DPP6: variants seen among roughly 807,000 people sequenced by gnomAD.
DPP6 encodes dipeptidyl peptidase like 6.
DPP6 carries 69 observed loss-of-function variants against 122.6 expected under a neutral mutation model. The ratio of observed to expected loss-of-function variants is 0.56; its 90% CI spans 0.46 to 0.69. DPP6 has a LOEUF of 0.69. Ranked by LOEUF, DPP6 falls within the 30% of genes least tolerant of loss-of-function variation. The probability of loss-of-function intolerance (pLI) is 0.00; values close to 1 mark genes in which losing one functional copy is unlikely to be tolerated. For missense variants in DPP6, 928 were observed against 1,116.9 expected, an observed-to-expected ratio of 0.83 and a Z score of 2.41; for synonymous variants, 418 against 433.1, an observed-to-expected ratio of 0.97 and a Z score of 0.43.
intron 1 of DPP6, among the ~76,000 whole-genome samples, chr7:153,952,097 A>C (rs1802245750): frequency 6.6e-6 from 1 of 152,186 alleles, no homozygotes; most frequent in African/African-American, 2.4e-5. Context: ...AACCTTTTGA[A>C]CAATCCTGTC....
chr7:153,888,783 A>G (rs1799062294), intron 1 of DPP6, among the ~76,000 whole-genome samples: 1 of 130,456 alleles, frequency 7.7e-6, no homozygotes, highest in African/African-American at 3.0e-5. Context: ...GGTTCTGCAG[A>G]TTTGCAGATG....
At chr7:154,689,620 T>G (rs549326800) in intron 7 of DPP6, among the ~76,000 whole-genome samples, 12 of 152,352 alleles carry the variant, frequency 7.9e-5, no homozygotes, top group Non-Finnish European at 1.3e-4. Context: ...TCGTCTACAC[T>G]GTGGGACATT....
intron 1 of DPP6, among the ~76,000 whole-genome samples, chr7:153,984,803 C>T (rs1365309184): frequency 2.0e-5 from 3 of 152,174 alleles, no homozygotes; most frequent in African/African-American, 7.2e-5. Flanking sequence ...TCATTTTTGG[C>T]TTCTATGACA....
chr7:154,654,332 A>G (rs1302574864), intron 6 of DPP6, among the ~76,000 whole-genome samples: 1 of 151,846 alleles, frequency 6.6e-6, no homozygotes, highest in Non-Finnish European at 1.5e-5. Context: ...TGTCACTAAT[A>G]TTTTAGAACA....
At chr7:154,511,876 A>G (rs1258643546) in intron 3 of DPP6, among the ~76,000 whole-genome samples, 1 of 152,232 alleles carries the variant, frequency 6.6e-6, no homozygotes, top group Non-Finnish European at 1.5e-5. Flanking sequence ...ATCATGCTGT[A>G]AATGATCCTA....
intron 7 of DPP6, among the ~76,000 whole-genome samples, chr7:154,711,802 C>G (rs933179459): frequency 6.6e-6 from 1 of 152,150 alleles, no homozygotes; most frequent in African/African-American, 2.4e-5. Context: ...ATCCCTAGTT[C>G]CTGATGTAAT....
intron 5 of DPP6, among the ~76,000 whole-genome samples, chr7:154,627,909 T>A (rs1835185902): frequency 6.6e-6 from 1 of 152,186 alleles, no homozygotes; most frequent in Admixed American, 6.5e-5. Context: ...GGGAGGGACT[T>A]AAATAACTTT....
At chr7:154,193,489 A>G (rs1258725493) in intron 1 of DPP6, among the ~76,000 whole-genome samples, 1 of 152,110 alleles carries the variant, frequency 6.6e-6, no homozygotes, top group Non-Finnish European at 1.5e-5. Context: ...ATAAGGAGAG[A>G]AATTTGGTTG....
At chr7:154,138,757 A>G (rs1045045092) in intron 1 of DPP6, among the ~76,000 whole-genome samples, 8 of 149,142 alleles carry the variant, frequency 5.4e-5, no homozygotes, top group Non-Finnish European at 1.2e-4. Flanking sequence ...TACTTTTCTA[A>G]ATTGATTGGT....
the DPP6 span, among the ~76,000 whole-genome samples, chr7:153,804,183 G>A: frequency 5.3e-5 from 8 of 151,828 alleles, no homozygotes; most frequent in Non-Finnish European, 7.4e-5. Flanking sequence ...GTGAGTAGCT[G>A]GAATTACAGG....
rs557381665 is a variant in DPP6, at chr7:154,106,120, C to G, written c.243+53057C>G. On this transcript the variant is annotated intron_variant, in intron 1 of 25. Transcript: ENST00000377770. ...AAAGGGGTGGCAGACTCTGCCTATGCGCCCTTGTTTCTTACTCAGAGATAA... is the reference window on the plus strand; with the variant it reads ...AAAGGGGTGGCAGACTCTGCCTATGGGCCCTTGTTTCTTACTCAGAGATAA... Among the ~76,000 whole-genome samples, 985 of 151,882 alleles carry G rather than the reference C, an allele frequency of 6.5e-3. 21 individuals are homozygous for G. The highest frequency in any genetic ancestry group is 0.023 in the African/African-American group (955 of 41,336).
At chr7:154,488,831 A>G (rs144290150) in intron 3 of DPP6, among the ~76,000 whole-genome samples, 1 of 152,170 alleles carries the variant, frequency 6.6e-6, no homozygotes, top group Non-Finnish European at 1.5e-5. Flanking sequence ...TCTCTTTTCC[A>G]CCTAAATCCC....
intron 1 of DPP6, among the ~76,000 whole-genome samples, chr7:154,372,526 C>T (rs6946218): frequency 1.3e-5 from 2 of 152,130 alleles, no homozygotes; most frequent in African/African-American, 4.8e-5. Context: ...ACAGCATCAC[C>T]CTTGTGCCTT....
In DPP6 at chr7:154,173,326, G is replaced by T. The variant is rs576190882; in HGVS notation, c.243+120263G>T. On this transcript the variant is annotated intron_variant, in intron 1 of 25. Coordinates refer to ENST00000377770, the MANE Select transcript of DPP6 (RefSeq NM_130797.4). ...ATTCTAAATGGAATCTATGGACAGG[G>T]TTTTTATTCTTAGTGAATTTTGAAG... is the stretch of plus-strand genomic sequence containing the variant. Among the ~76,000 whole-genome samples the T allele has an allele frequency of 2.0e-5, 3 of 152,336 alleles. No individual in the cohort carries two copies. In the East Asian group the frequency reaches 5.8e-4, roughly 29 times the overall value.
At chr7:154,571,730 GTCAT>G (rs1831120790) in intron 5 of DPP6, among the ~76,000 whole-genome samples, 1 of 152,110 alleles carries the variant, frequency 6.6e-6, no homozygotes, top group Non-Finnish European at 1.5e-5. Context: ...CAATCACACA[GTCAT>G]TCAGTCAGTA....
At chr7:154,386,017 A>G (rs1814075116) in intron 1 of DPP6, among the ~76,000 whole-genome samples, 1 of 152,078 alleles carries the variant, frequency 6.6e-6, no homozygotes, top group African/African-American at 2.4e-5. Flanking sequence ...CAGAAAGCCA[A>G]CCCTTTCTTG....
chr7:154,204,876 T>C (rs1799358752), intron 1 of DPP6, among the ~76,000 whole-genome samples: 1 of 152,164 alleles, frequency 6.6e-6, no homozygotes, highest in Admixed American at 6.5e-5. Flanking sequence ...GAACTCATAA[T>C]ATATACAGTT....
At chr7:154,887,415 G>T (rs1806241074) in intron 22 of DPP6, among the ~76,000 whole-genome samples, 1 of 152,188 alleles carries the variant, frequency 6.6e-6, no homozygotes, top group Admixed American at 6.5e-5. Flanking sequence ...CTTAATTAAG[G>T]TTCTGCGATG....
At chr7:154,741,679 T>C (rs1278001695) in intron 8 of DPP6, among the ~76,000 whole-genome samples, 1 of 152,206 alleles carries the variant, frequency 6.6e-6, no homozygotes, top group African/African-American at 2.4e-5. Flanking sequence ...TGTGGAGGTC[T>C]TAGGTGCTAT....
Sources: allele counts gnomAD v4.1 joint callset (sites outside exome capture counted in the v4.1 genomes callset), GRCh38; gene constraint gnomAD v4.1.1; transcripts MANE v1.5; gene names NCBI Gene and HGNC (gene_info 2026-07-23, HGNC 2026-07-21).